The following ARHGEF4 variants were observed in gnomAD, a reference collection of about 807,000 sequenced individuals.
ARHGEF4 encodes the protein APC-stimulated guanine nucleotide exchange factor 1.
ARHGEF4 carries 119 observed loss-of-function variants against 162.0 expected under a neutral mutation model. That is an observed-to-expected ratio of 0.73 (90% CI 0.63 to 0.86). The LOEUF (loss-of-function observed/expected upper bound fraction) is 0.86, where lower values mean the gene tolerates loss of function less well. ARHGEF4 is among the 40% of genes least tolerant of loss of function. ARHGEF4 has a pLI of 0.00. For missense variants in ARHGEF4, 2,488 were observed against 2,456.0 expected, an observed-to-expected ratio of 1.01 and a Z score of -0.28; for synonymous variants, 1,014 against 979.9, an observed-to-expected ratio of 1.03 and a Z score of -0.65.
intron 4 of ARHGEF4, chr2:130,964,098 C>A: frequency 1.1e-6 from 1 of 899,528 alleles, no homozygotes; most frequent in Non-Finnish European, 1.3e-6. Context: ...GTGGCGATCT[C>A]GGCACTAGCA....
At chr2:130,947,020 C>A (rs1270836689) in intron 4 of ARHGEF4, 1 of 178,228 alleles carries the variant, frequency 5.6e-6, no homozygotes, top group South Asian at 1.4e-4. Context: ...CATATGAGGT[C>A]GGGAGTTCGA....
At chr2:130,854,026 C>T (rs1012841698) in intron 1 of ARHGEF4, among the ~76,000 whole-genome samples, 4 of 152,182 alleles carry the variant, frequency 2.6e-5, no homozygotes, top group Non-Finnish European at 4.4e-5. Context: ...CTGCCCTGCT[C>T]ACCTCATAGG....
At chr2:130,948,883 G>T (rs1683782240) in intron 4 of ARHGEF4, among the ~76,000 whole-genome samples, 1 of 152,178 alleles carries the variant, frequency 6.6e-6, no homozygotes, top group Admixed American at 6.5e-5. Context: ...GACTAGCCTG[G>T]ACTATCCTGG....
In ARHGEF4 at chr2:130,916,158, C is replaced by T; in HGVS notation, c.2212C>T (p.Arg738Cys). Reference sequence around the variant, plus strand: ...AGAGGAGCCCCCGGGAGAGAGACTGCGTGGGGAGAGCCGGAGCTCCGGGTC... The same window carrying T: ...AGAGGAGCCCCCGGGAGAGAGACTGTGTGGGGAGAGCCGGAGCTCCGGGTC... The part of the protein sequence containing the change: ...STEEPPGERL[R>C]GESRSSGSGE... Residue 738 changes from arginine to cysteine, a missense_variant, in exon 2 of 14, where the codon CGT becomes TGT. Physicochemically the swap from Arg to Cys is radical, Grantham distance 180. This residue lies in a region of ARHGEF4 where 1,642 missense variants were observed against 1,481.5 expected (regional missense o/e 1.11). Transcript: ENST00000409359. The T allele has an allele frequency of 6.5e-7, 1 of 1,548,964 alleles. No homozygotes were observed. The highest frequency in any genetic ancestry group is 8.7e-7 in the Non-Finnish European group (1 of 1,146,820).
chr2:130,958,990 G>A (rs1439867410), intron 4 of ARHGEF4, among the ~76,000 whole-genome samples: 1 of 150,152 alleles, frequency 6.7e-6, no homozygotes. Flanking sequence ...TGCCCAGGCT[G>A]GAGTGCAGTG....
chr2:130,892,533 C>T (rs1341181826), intron 1 of ARHGEF4, among the ~76,000 whole-genome samples: 1 of 152,210 alleles, frequency 6.6e-6, no homozygotes. Context: ...ATGGCTGTGA[C>T]TCAGGCCTCA....
At chr2:130,846,927 C>T (rs560883753) in intron 1 of ARHGEF4, among the ~76,000 whole-genome samples, 2 of 152,276 alleles carry the variant, frequency 1.3e-5, no homozygotes, top group East Asian at 3.9e-4. Context: ...CAGGGCCTGC[C>T]GGATGGCAGA....
chr2:130,880,330 G>A (rs1327851575), intron 1 of ARHGEF4, among the ~76,000 whole-genome samples: 3 of 152,194 alleles, frequency 2.0e-5, no homozygotes, highest in Non-Finnish European at 2.9e-5. Flanking sequence ...CCATCTGCCT[G>A]AAAAACCAGC....
At chr2:130,907,474 C>T (rs1680899514) in intron 1 of ARHGEF4, among the ~76,000 whole-genome samples, 1 of 151,562 alleles carries the variant, frequency 6.6e-6, no homozygotes, top group Non-Finnish European at 1.5e-5. Flanking sequence ...ACCTCAGCGT[C>T]CCAAAGTGCT....
chr2:130,907,041 C>T (rs542476141), intron 1 of ARHGEF4, among the ~76,000 whole-genome samples: 1 of 152,238 alleles, frequency 6.6e-6, no homozygotes, highest in South Asian at 2.1e-4. Flanking sequence ...TCCCCAGTCC[C>T]CAGCCCTTGG....
intron 1 of ARHGEF4, among the ~76,000 whole-genome samples, chr2:130,865,025 A>G (rs1682170735): frequency 6.6e-6 from 1 of 152,214 alleles, no homozygotes; most frequent in Non-Finnish European, 1.5e-5. Context: ...TGCAAAGCCG[A>G]TAAGGTGATG....
chr2:131,017,359 C>T (rs1378015724), intron 4 of ARHGEF4, among the ~76,000 whole-genome samples: 3 of 152,178 alleles, frequency 2.0e-5, no homozygotes, highest in African/African-American at 7.2e-5. Flanking sequence ...CCACGAATGC[C>T]TGCTCAACCT....
chr2:130,959,234 GC>G (rs1327797105), intron 4 of ARHGEF4, among the ~76,000 whole-genome samples: 87 of 152,218 alleles, frequency 5.7e-4, no homozygotes, highest in African/African-American at 2.0e-3. Flanking sequence ...GAGCCACCAC[GC>G]CCAGCCTAGA....
intron 4 of ARHGEF4, among the ~76,000 whole-genome samples, chr2:130,949,033 A>T (rs1241673093): frequency 6.6e-6 from 1 of 152,126 alleles, no homozygotes; most frequent in Non-Finnish European, 1.5e-5. Flanking sequence ...CATCATTCTC[A>T]TTTGAATTCT....
At chr2:131,026,405 C>T (rs945591190) in intron 4 of ARHGEF4, among the ~76,000 whole-genome samples, 4 of 152,140 alleles carry the variant, frequency 2.6e-5, no homozygotes, top group African/African-American at 9.7e-5. Context: ...TTCCGTTCTT[C>T]AAAAGGCACC....
chr2:130,998,593 T>C lies in ARHGEF4; in HGVS notation c.3986-29352T>C, dbSNP rs564370813. 5.3e-5 allele frequency among the ~76,000 whole-genome samples: 8 copies of C among 152,362 alleles called. No homozygotes were observed. In the South Asian group the frequency reaches 1.7e-3, roughly 32 times the overall value. ...CGTTTTCAGATGGGCTTCTTTCACTTACCAGTATGCATTTGGGTTTCCTCT... is the reference window on the plus strand; with the variant it reads ...CGTTTTCAGATGGGCTTCTTTCACTCACCAGTATGCATTTGGGTTTCCTCT... On this transcript the variant is annotated intron_variant, in intron 4 of 13. Transcript: ENST00000409359.
At chr2:130,966,282 G>T (rs547402791) in intron 4 of ARHGEF4, among the ~76,000 whole-genome samples, 1 of 152,224 alleles carries the variant, frequency 6.6e-6, no homozygotes, top group Non-Finnish European at 1.5e-5. Flanking sequence ...CTGTGAAGCC[G>T]TCTGTCCTTC....
At chr2:131,008,659 C>T (rs1244140152) in intron 4 of ARHGEF4, among the ~76,000 whole-genome samples, 1 of 152,006 alleles carries the variant, frequency 6.6e-6, no homozygotes, top group Non-Finnish European at 1.5e-5. Flanking sequence ...AAAATCCTAT[C>T]TTTATTATTG....
chr2:131,032,463 C>G (rs567052513), intron 5 of ARHGEF4, among the ~76,000 whole-genome samples: 48 of 152,096 alleles, frequency 3.2e-4, no homozygotes, highest in Admixed American at 3.1e-3. Context: ...CAGGGAGGAG[C>G]CTGATGGCTG....
Sources: allele counts gnomAD v4.1 joint callset (sites outside exome capture counted in the v4.1 genomes callset), GRCh38; gene constraint gnomAD v4.1.1; regional missense constraint gnomAD v4.1.1; transcripts MANE v1.5; gene names NCBI Gene and HGNC (gene_info 2026-07-23, HGNC 2026-07-21).